Variants in EEF1AKMT2 observed in about 807,000 individuals in gnomAD.
EEF1AKMT2 encodes the protein eukaryotic translation elongation factor 1 alpha lysine methyltransferase 2.
Under a neutral mutation model 35.8 loss-of-function variants are expected in EEF1AKMT2, and 32 were observed. That is an observed-to-expected ratio of 0.89 (90% confidence interval 0.67 to 1.20). The LOEUF (loss-of-function observed/expected upper bound fraction) is 1.20, where lower values mean the gene tolerates loss of function less well. Among genes scored for constraint, EEF1AKMT2 ranks in the 50% most tolerant of loss-of-function variants. The probability of loss-of-function intolerance (pLI) is 0.00; values close to 1 mark genes in which losing one functional copy is unlikely to be tolerated. For missense variants in EEF1AKMT2, 330 were observed against 347.5 expected, an observed-to-expected ratio of 0.95 and a Z score of 0.40; for synonymous variants, 121 against 133.7, an observed-to-expected ratio of 0.91 and a Z score of 0.65.
chr10:124,772,023 CAG>C (rs1950441123), intron 4 of EEF1AKMT2, among the ~76,000 whole-genome samples: 1 of 152,156 alleles, frequency 6.6e-6, no homozygotes, highest in African/African-American at 2.4e-5. Context: ...ATACTGTAAA[CAG>C]ATGTGCCGTT....
chr10:124,774,523 G>C (rs1261490730), intron 4 of EEF1AKMT2, 152 bp downstream of exon 4: 3 of 385,110 alleles, frequency 7.8e-6, no homozygotes, highest in Admixed American at 1.0e-4. Flanking sequence ...AAACCAACTA[G>C]ATTAAATTTT....
In EEF1AKMT2 at chr10:124,760,052, T is replaced by A. The variant is rs1338351587; in HGVS notation, c.*451A>T. On this transcript the variant is annotated 3_prime_UTR_variant, in exon 7 of 7. Transcript: ENST00000368836. ...CTGGAATAATTTGGTCAAATATTCA[T>A]AAATAGTTATCAACTTTACCAAGGC... 8.8e-6 allele frequency: 2 copies of A among 226,624 alleles called. No individual in the cohort carries two copies. The highest frequency in any genetic ancestry group is 1.7e-5 in the Non-Finnish European group (2 of 118,254). 14.0% of individuals were successfully genotyped at this position (226,624 alleles called of 1,614,324 possible).
chr10:124,766,494 G>A (rs956146801), intron 4 of EEF1AKMT2, among the ~76,000 whole-genome samples: 9 of 151,934 alleles, frequency 5.9e-5, no homozygotes, highest in Admixed American at 5.3e-4. Context: ...ATAGCAATCC[G>A]CCTCAATTTT....
chr10:124,762,202 A>G (rs1950337441), intron 6 of EEF1AKMT2, 98 bp downstream of exon 6: 2 of 883,966 alleles, frequency 2.3e-6, no homozygotes, highest in South Asian at 7.3e-5. Flanking sequence ...GATTTTGTAA[A>G]GATCCAAATA....
chr10:124,769,241 T>TAAAA (rs1950407482), intron 4 of EEF1AKMT2, among the ~76,000 whole-genome samples: 1 of 11,474 alleles, frequency 8.7e-5, no homozygotes, highest in Admixed American at 1.5e-3. Context: ...AAAATATATA[T>TAAAA]ATATATATGT....
rs778683470 is a variant in EEF1AKMT2 at position 124,774,792 on chromosome 10, A to T, written c.292-10T>A. 7.8e-7 allele frequency: 1 copy of T among 1,288,818 alleles called. No individual in the cohort carries two copies. The highest frequency in any genetic ancestry group is 1.8e-5 in the South Asian group (1 of 55,818). 79.8% of individuals were successfully genotyped at this position (1,288,818 alleles called of 1,614,324 possible). ...AGAAACCAAATTTTGCCTAGAGAGA[A>T]ATAATTTTATACTTTAGTATAAAAT... On this transcript the variant is annotated splice_polypyrimidine_tract_variant and intron_variant, in intron 3 of 6. Transcript: ENST00000368836.
chr10:124,768,365 C>T (rs1178671311), intron 4 of EEF1AKMT2, among the ~76,000 whole-genome samples: 2 of 152,086 alleles, frequency 1.3e-5, no homozygotes, highest in African/African-American at 2.4e-5. Flanking sequence ...TCCCAGCACT[C>T]TGGGAGGCCA....
intron 3 of EEF1AKMT2, among the ~76,000 whole-genome samples, chr10:124,775,919 CTTCT>C (rs1291155035): frequency 3.3e-5 from 5 of 151,408 alleles, no homozygotes; most frequent in South Asian, 4.2e-4. Context: ...TTACCGGTTC[CTTCT>C]TTTTTTTTTT....
intron 4 of EEF1AKMT2, among the ~76,000 whole-genome samples, chr10:124,769,395 C>A (rs544768245): frequency 1.1e-4 from 16 of 151,366 alleles, no homozygotes; most frequent in African/African-American, 3.6e-4. Context: ...GAAATCAGGT[C>A]TGAGGAGGAA....
In EEF1AKMT2 at chr10:124,765,769, G is replaced by A. The variant is rs1950373740; in HGVS notation, c.400-161C>T. The A allele has an allele frequency of 5.1e-6, 3 of 583,244 alleles. No homozygotes were observed. In the Admixed American group the frequency reaches 9.6e-5, roughly 19 times the overall value. The allele number at this position is 583,244 out of a possible 1,614,324, so 36.1% of individuals were successfully genotyped here. ...TCAACTTTATAGCTAACTTTTATGA[G>A]CTTCAGTCCAAGATCATTAAAGCCA... On this transcript the variant is annotated intron_variant, in intron 4 of 6. Transcript: ENST00000368836.
At chr10:124,783,544 C>A (rs547647196) in intron 3 of EEF1AKMT2, among the ~76,000 whole-genome samples, 3 of 152,318 alleles carry the variant, frequency 2.0e-5, no homozygotes, top group Admixed American at 6.5e-5. Context: ...AAAGGTTAAA[C>A]TTACCGAGTA....
chr10:124,766,118 A>G (rs1950376433), intron 4 of EEF1AKMT2: 1 of 153,828 alleles, frequency 6.5e-6, no homozygotes, highest in African/African-American at 2.4e-5. Flanking sequence ...GCACTCAGCT[A>G]TGGGAATAAG....
chr10:124,762,478 G>A lies in EEF1AKMT2; in HGVS notation c.697C>T (p.Arg233Ter), dbSNP rs191386092. 7.3e-5 allele frequency: 94 copies of A among 1,293,476 alleles called. No individual in the cohort carries two copies. The African/African-American group carries it at 8.7e-4, about 12-fold the overall frequency. 80.1% of individuals were successfully genotyped at this position (1,293,476 alleles called of 1,614,324 possible). A position where few individuals can be genotyped will look rare whatever the true frequency, so the allele number is the denominator to read the frequency against. ...AQAIFSTSAS[R>*]VGGTTGTHHH... is the part of the protein sequence containing the mutation. ...TGTGTGCCTGTAGTTCCACCTACTC[G>A]GGAGGCTGAAGTGGAAAAGATCGCT... Residue 233 changes from arginine to a stop codon, truncating the protein, a stop_gained, in exon 6 of 7, where the codon CGA becomes TGA. Transcript: ENST00000368836. LOFTEE classifies it high-confidence loss of function.
chr10:124,769,235 T>TAA (rs1564902325), intron 4 of EEF1AKMT2, among the ~76,000 whole-genome samples: 1 of 14,582 alleles, frequency 6.9e-5, no homozygotes, highest in Non-Finnish European at 2.7e-4. Context: ...AAAAAAAAAA[T>TAA]ATATATATAT....
rs777332518 is a variant in EEF1AKMT2, at chr10:124,774,804, C to G, written c.292-22G>C. ...TTGCCTAGAGAGAAATAATTTTATA[C>G]TTTAGTATAAAATTTTAATATAATG... On this transcript the variant is annotated intron_variant, in intron 3 of 6. Transcript: ENST00000368836. 3 of 1,149,720 alleles carry G rather than the reference C, an allele frequency of 2.6e-6. No homozygotes were observed. In the East Asian group the frequency reaches 9.0e-5, roughly 35 times the overall value. 71.2% of individuals were successfully genotyped at this position (1,149,720 alleles called of 1,614,324 possible).
At chr10:124,774,948 A>G in intron 3 of EEF1AKMT2, 166 bp from the exon 4 acceptor site, 1 of 304,554 alleles carries the variant, frequency 3.3e-6, no homozygotes, top group Non-Finnish European at 6.1e-6. Flanking sequence ...CTAAATAAAA[A>G]CTGAAAGTGT....
chr10:124,770,183 C>T (rs1373876763), intron 4 of EEF1AKMT2, among the ~76,000 whole-genome samples: 2 of 151,902 alleles, frequency 1.3e-5, no homozygotes, highest in East Asian at 3.9e-4. Context: ...CTTTGAGGGG[C>T]CGAGGCGGGT....
chr10:124,774,239 C>T (rs1186491644), intron 4 of EEF1AKMT2, among the ~76,000 whole-genome samples: 2 of 151,604 alleles, frequency 1.3e-5, no homozygotes, highest in African/African-American at 2.4e-5. Flanking sequence ...TGGCTGCAGG[C>T]GCCTGTAGTC....
Position 124,789,034 on chromosome 10 carries a change from A to G in EEF1AKMT2, c.291+9T>C. 2.5e-6 allele frequency: 4 copies of G among 1,597,820 alleles called. No individual in the cohort carries two copies. Among genetic ancestry groups the G allele is most frequent in the Non-Finnish European group, 3.4e-6 (4 of 1,170,170 alleles). On this transcript the variant is annotated intron_variant, in intron 3 of 6. Coordinates refer to ENST00000368836, the MANE Select transcript of EEF1AKMT2 (RefSeq NM_212554.4). ...TTGTCTTTAACAAACAAATACTAAAAGTACCAACAAGTTCAACCAGGAAAA... is the reference window on the plus strand; with the variant it reads ...TTGTCTTTAACAAACAAATACTAAAGGTACCAACAAGTTCAACCAGGAAAA...
Sources: allele counts gnomAD v4.1 joint callset (sites outside exome capture counted in the v4.1 genomes callset), GRCh38; gene constraint gnomAD v4.1.1; transcripts MANE v1.5; gene names NCBI Gene and HGNC (gene_info 2026-07-23, HGNC 2026-07-21).